FBRSL1: variants seen among roughly 807,000 people sequenced by gnomAD.
FBRSL1 encodes fibrosin like 1, also known as fibrosin-1-like protein.
FBRSL1 carries 51 observed loss-of-function variants against 89.6 expected under a neutral mutation model. That is an observed-to-expected ratio of 0.57 (90% CI 0.45 to 0.72). The LOEUF is 0.72. Among genes scored for constraint, FBRSL1 ranks in the 30% least tolerant of loss-of-function variants. The pLI is 0.00. For synonymous variants in FBRSL1, 779 were observed against 681.1 expected (o/e 1.14, Z -2.24); for missense variants, 1,618 against 1,451.8 (o/e 1.11, Z -1.86).
intron 4 of FBRSL1, among the ~76,000 whole-genome samples, chr12:132,544,170 G>A (rs891460836): frequency 6.6e-6 from 1 of 152,178 alleles, no homozygotes; most frequent in African/African-American, 2.4e-5. Flanking sequence ...CCCGAGCCTC[G>A]GTGCGGCTTA....
intron 2 of FBRSL1, chr12:132,509,382 A>C: frequency 8.1e-7 from 1 of 1,241,678 alleles, no homozygotes; most frequent in Non-Finnish European, 1.0e-6. Context: ...TCTGGGCCTG[A>C]AACAGCCCTG....
rs934627667 is a variant in FBRSL1 at position 132,571,161 on chromosome 12, T to C, written c.1307T>C (p.Leu436Ser). 33 of 1,417,558 alleles carry C rather than the reference T, an allele frequency of 2.3e-5. No individual in the cohort carries two copies. The highest frequency in any genetic ancestry group is 3.0e-5 in the Non-Finnish European group (33 of 1,086,406). The allele number at this position is 1,417,558 out of a possible 1,614,324, so 87.8% of individuals were successfully genotyped here. A position where few individuals can be genotyped will look rare whatever the true frequency, so the allele number is the denominator to read the frequency against. ...GGTACTTGGTCACAGGCTCCTCTCTTACCTGCACCCCTGGGCCCGCACGTG... is the reference window on the plus strand; with the variant it reads ...GGTACTTGGTCACAGGCTCCTCTCTCACCTGCACCCCTGGGCCCGCACGTG... ...LIGTWSQAPL[L>S]PAPLGPHVAS... Residue 436 changes from leucine (L) to serine (S), a missense_variant, in exon 9 of 19, where the codon TTA becomes TCA. Coordinates refer to ENST00000680143, the MANE Select transcript of FBRSL1 (RefSeq NM_001367871.1).
chr12:132,571,445 A>AAC, intron 9 of FBRSL1: 1 of 1,550,516 alleles, frequency 6.4e-7, no homozygotes, highest in Non-Finnish European at 8.7e-7. Flanking sequence ...CACACGCACC[A>AAC]ACACACACAC....
At chr12:132,525,848 G>C in intron 3 of FBRSL1, 25 bp downstream of exon 3, 1 of 1,529,240 alleles carries the variant, frequency 6.5e-7, no homozygotes, top group Middle Eastern at 1.8e-4. Flanking sequence ...GCCCGCGCCC[G>C]GAGGCTCCGA....
chr12:132,493,131 A>T (rs575173010), intron 1 of FBRSL1, among the ~76,000 whole-genome samples: 1 of 152,218 alleles, frequency 6.6e-6, no homozygotes. Context: ...ACTGGGTGCC[A>T]CGCCTGTCCG....
At chr12:132,533,129 C>T (rs568046080) in intron 4 of FBRSL1, among the ~76,000 whole-genome samples, 43 of 151,416 alleles carry the variant, frequency 2.8e-4, no homozygotes, top group Admixed American at 9.8e-4. Flanking sequence ...CTGCAGTCTC[C>T]TCCCGACCCA....
chr12:132,539,469 A>G (rs1170688360), intron 4 of FBRSL1, among the ~76,000 whole-genome samples: 1 of 39,602 alleles, frequency 2.5e-5, no homozygotes, highest in Non-Finnish European at 4.4e-5. Context: ...CTCCAGCCCG[A>G]TGCCCACCCA....
chr12:132,508,786 A>G (rs1256374155), intron 2 of FBRSL1, among the ~76,000 whole-genome samples: 1 of 152,210 alleles, frequency 6.6e-6, no homozygotes, highest in Non-Finnish European at 1.5e-5. Flanking sequence ...GGGGAAGGGA[A>G]TACTTGGTCC....
chr12:132,555,717 C>G (rs984694935), intron 5 of FBRSL1, among the ~76,000 whole-genome samples: 1 of 152,222 alleles, frequency 6.6e-6, no homozygotes, highest in African/African-American at 2.4e-5. Flanking sequence ...ATCTCTGCCC[C>G]TGTCCGTCCT....
chr12:132,583,729 C>G lies in FBRSL1; in HGVS notation c.2960C>G (p.Ala987Gly). 1 of 1,215,800 alleles carries G rather than the reference C, an allele frequency of 8.2e-7. No individual in the cohort carries two copies. Among genetic ancestry groups the G allele is most frequent in the Non-Finnish European group, 1.0e-6 (1 of 977,736 alleles). 75.3% of individuals were successfully genotyped at this position (1,215,800 alleles called of 1,614,324 possible). A position where few individuals can be genotyped will look rare whatever the true frequency, so the allele number is the denominator to read the frequency against. The change falls in exon 19 of 19, where the codon GCG (alanine) becomes GGG (glycine). Residue 987 changes from alanine (A) to glycine (G), a missense_variant. Ala to Gly is a moderately conservative substitution (Grantham distance 60). Coordinates refer to ENST00000680143, the MANE Select transcript of FBRSL1 (RefSeq NM_001367871.1). ...TPLGGLGPGE[A>G]RDYSPSRNPP... Reference sequence around the variant, plus strand: ...CTGGGGGGCCTCGGGCCGGGCGAGGCGCGCGACTACTCCCCGTCCCGAAAT... The same window carrying G: ...CTGGGGGGCCTCGGGCCGGGCGAGGGGCGCGACTACTCCCCGTCCCGAAAT...
At position 132,572,494 on chromosome 12, in the gene FBRSL1, G is replaced by GC. The variant is rs779783064; in HGVS notation, c.1435-26dup. On this transcript the variant is annotated intron_variant, in intron 10 of 18. Transcript: ENST00000680143. ...GGCAGAGGGTGGGGTGAGGACTTGG[G>GC]CCCCCCCTCCATCCGCTCTCCTTCT... 8.3e-5 allele frequency: 126 copies of GC among 1,519,754 alleles called. 1 individual carries two copies. The Admixed American group carries it at 2.3e-3, about 27-fold the overall frequency. 94.1% of individuals were successfully genotyped at this position (1,519,754 alleles called of 1,614,324 possible).
At chr12:132,548,811 G>T (rs1368329987) in intron 5 of FBRSL1, among the ~76,000 whole-genome samples, 2 of 152,226 alleles carry the variant, frequency 1.3e-5, no homozygotes, top group African/African-American at 4.8e-5. Context: ...TGCCAGATGT[G>T]CCAGGGGAAT....
intron 1 of FBRSL1, among the ~76,000 whole-genome samples, chr12:132,498,251 G>C (rs1291704705): frequency 6.6e-6 from 1 of 152,180 alleles, no homozygotes; most frequent in African/African-American, 2.4e-5. Context: ...TGTGTCGGGG[G>C]CATGGGGCCG....
In FBRSL1 at chr12:132,572,325, T is replaced by C; in HGVS notation, c.1415T>C (p.Phe472Ser). The C allele has an allele frequency of 6.4e-7, 1 of 1,551,144 alleles. No homozygotes were observed. Among genetic ancestry groups the C allele is most frequent in the Non-Finnish European group, 8.7e-7 (1 of 1,146,746 alleles). Residue 472 changes from phenylalanine to serine, a missense_variant, in exon 10 of 19, where the codon TTC becomes TCC. Transcript: ENST00000680143. ...KYAPKLDSPY[F>S]RHSSVSFFPS... ...GCGCCCAAGCTGGACAGCCCCTACT[T>C]CCGACATTCCAGCGTGAGTGTGAGT... is the stretch of plus-strand genomic sequence containing the variant.
At position 132,494,517 on chromosome 12, in the gene FBRSL1, C is replaced by T. The variant is rs112330717; in HGVS notation, c.291+3656C>T. 8.2e-3 allele frequency among the ~76,000 whole-genome samples: 1,256 copies of T among 152,346 alleles called. 19 individuals are homozygous for T. The highest frequency in any genetic ancestry group is 0.028 in the African/African-American group (1,183 of 41,584). On this transcript the variant is annotated intron_variant, in intron 1 of 18. Transcript: ENST00000680143. ...CGCCCACTCCCACATGCTGGCCGCT[C>T]GGCCCCAGTGACGCTGGCCATGGTG...
chr12:132,503,703 G>A (rs1167292771), intron 1 of FBRSL1, among the ~76,000 whole-genome samples: 1 of 152,260 alleles, frequency 6.6e-6, no homozygotes, highest in Non-Finnish European at 1.5e-5. Flanking sequence ...GGGTATGGGA[G>A]GCAGCCATGC....
In FBRSL1 at chr12:132,574,138, C is replaced by G; in HGVS notation, c.1579C>G (p.Leu527Val). The change falls in exon 12 of 19, where the codon CTC becomes GTC. Residue 527 changes from leucine (L) to valine (V), a missense_variant. Physicochemically the swap from Leu to Val is conservative, Grantham distance 32. Coordinates refer to ENST00000680143, the MANE Select transcript of FBRSL1 (RefSeq NM_001367871.1). Reference sequence around the variant, plus strand: ...CCGCCGGGCTGGTGCGGTTCACACACTCCTGCAGAAAGCGCCTGGGGTAGG... The same window carrying G: ...CCGCCGGGCTGGTGCGGTTCACACAGTCCTGCAGAAAGCGCCTGGGGTAGG... ...VARRAGAVHT[L>V]LQKAPGVSDP... The G allele has an allele frequency of 7.1e-7, 1 of 1,413,852 alleles. No homozygotes were observed. Among genetic ancestry groups the G allele is most frequent in the Non-Finnish European group, 9.2e-7 (1 of 1,088,950 alleles). The allele number at this position is 1,413,852 out of a possible 1,614,324, so 87.6% of individuals were successfully genotyped here. A position where few individuals can be genotyped will look rare whatever the true frequency, so the allele number is the denominator to read the frequency against.
intron 5 of FBRSL1, among the ~76,000 whole-genome samples, chr12:132,560,942 C>T (rs75838885): frequency 0.1 from 15,179 of 152,260 alleles, 1,574 homozygotes; most frequent in African/African-American, 0.27. Context: ...CATCTGGCCA[C>T]TGCCAGAAGC....
chr12:132,509,473 A>G (rs1014965843), intron 2 of FBRSL1: 29 of 1,239,622 alleles, frequency 2.3e-5, no homozygotes, highest in African/African-American at 3.1e-5. Context: ...CAGCTCTGCC[A>G]GCCCCAGCGG....
Sources: gnomAD v4.1 joint callset for allele counts (sites outside exome capture counted in the v4.1 genomes callset) on GRCh38, gnomAD v4.1.1 for gene constraint, MANE v1.5 for transcripts, NCBI Gene and HGNC (gene_info 2026-07-23, HGNC 2026-07-21) for gene names.